The following ST6GAL2 variants were observed in gnomAD, a reference collection of about 807,000 sequenced individuals.
The protein encoded by ST6GAL2 is ST6 beta-galactoside alpha-2,6-sialyltransferase 2, also known as beta-galactoside alpha-2,6-sialyltransferase 2.
ST6GAL2 carries 24 observed loss-of-function variants against 37.5 expected under a neutral mutation model. That is an observed-to-expected ratio of 0.64 (90% CI 0.46 to 0.90). ST6GAL2 has a LOEUF of 0.90. Ranked by LOEUF, ST6GAL2 falls within the 40% of genes least tolerant of loss-of-function variation. The pLI, the probability that ST6GAL2 is intolerant of heterozygous loss-of-function variation, is 0.00. For missense variants in ST6GAL2, 715 were observed against 712.7 expected (o/e 1.00, Z -0.04); for synonymous variants, 306 against 295.1 (o/e 1.04, Z -0.38).
At chr2:106,864,246 C>G (rs761395007) in intron 1 of ST6GAL2, among the ~76,000 whole-genome samples, 1 of 152,208 alleles carries the variant, frequency 6.6e-6, no homozygotes, top group Non-Finnish European at 1.5e-5. Context: ...ACTACAGGCA[C>G]TGCCAGACAC....
chr2:106,812,148 G>A (rs1675635422), intron 5 of ST6GAL2, among the ~76,000 whole-genome samples: 1 of 152,202 alleles, frequency 6.6e-6, no homozygotes, highest in Non-Finnish European at 1.5e-5. Context: ...TTTGTAAGAA[G>A]AGATGTTGTG....
intron 1 of ST6GAL2, among the ~76,000 whole-genome samples, chr2:106,874,383 T>A (rs981789640): frequency 6.6e-6 from 1 of 151,996 alleles, no homozygotes; most frequent in African/African-American, 2.4e-5. Flanking sequence ...CTGAAGGTAG[T>A]TGTGGCTAAG....
intron 2 of ST6GAL2, among the ~76,000 whole-genome samples, chr2:106,838,098 T>C (rs904359843): frequency 6.6e-6 from 1 of 152,102 alleles, no homozygotes; most frequent in Non-Finnish European, 1.5e-5. Context: ...TCCTTGATAA[T>C]GCACTGTGAG....
Position 106,873,755 on chromosome 2 carries a change from C to T in ST6GAL2, c.-58+12338G>A, listed in dbSNP as rs1678379451. 4.6e-5 allele frequency among the ~76,000 whole-genome samples: 7 copies of T among 152,216 alleles called. 1 individual carries two copies. In the South Asian group the frequency reaches 1.4e-3, roughly 31 times the overall value. ...AAAATTATGAGGTTGAATGGTTTAG[C>T]AGTGATTTCCTAACATTGCTAGTAA... On this transcript the variant is annotated intron_variant, in intron 1 of 5. Coordinates refer to ENST00000409382, the MANE Select transcript of ST6GAL2 (RefSeq NM_001142351.2).
chr2:106,808,731 C>T (rs1675507205), intron 5 of ST6GAL2, among the ~76,000 whole-genome samples: 1 of 152,144 alleles, frequency 6.6e-6, no homozygotes, highest in African/African-American at 2.4e-5. Flanking sequence ...ATTTTTTCTC[C>T]CCTGTATAAA....
At chr2:106,883,218 G>A (rs1678824073) in intron 1 of ST6GAL2, among the ~76,000 whole-genome samples, 1 of 152,158 alleles carries the variant, frequency 6.6e-6, no homozygotes, top group African/African-American at 2.4e-5. Flanking sequence ...GGTGGGAGGT[G>A]GCTGGGACCA....
intron 2 of ST6GAL2, among the ~76,000 whole-genome samples, chr2:106,840,067 G>A (rs1014789834): frequency 2.6e-5 from 4 of 152,184 alleles, no homozygotes; most frequent in Non-Finnish European, 5.9e-5. Context: ...AAGCAAACCT[G>A]AGACTGACTG....
chr2:106,863,868 T>C (rs1057291040), intron 1 of ST6GAL2, among the ~76,000 whole-genome samples: 1 of 152,188 alleles, frequency 6.6e-6, no homozygotes, highest in Non-Finnish European at 1.5e-5. Context: ...GCACAGAAGC[T>C]ACAAAACAAT....
At chr2:106,865,759 G>T (rs1678000889) in intron 1 of ST6GAL2, among the ~76,000 whole-genome samples, 2 of 152,104 alleles carry the variant, frequency 1.3e-5, no homozygotes, top group Non-Finnish European at 2.9e-5. Context: ...AAAGCAAGTT[G>T]CCCACACTTA....
intron 2 of ST6GAL2, chr2:106,834,377 C>T (rs535029144): frequency 4.2e-4 from 190 of 451,898 alleles, no homozygotes; most frequent in Admixed American, 6.7e-4. Context: ...CAATTATGGG[C>T]GAGACTGTAT....
At chr2:106,831,573 G>C (rs1181456544) in intron 4 of ST6GAL2, among the ~76,000 whole-genome samples, 28 of 152,132 alleles carry the variant, frequency 1.8e-4, no homozygotes, top group Admixed American at 1.8e-3. Flanking sequence ...TATACATTGA[G>C]GCTATATATA....
rs777630203 is a variant in ST6GAL2 at position 106,843,131 on chromosome 2, C to T, written c.847G>A (p.Val283Met). 4.5e-6 allele frequency: 7 copies of T among 1,566,698 alleles called. No homozygotes were observed. In the African/African-American group the frequency reaches 8.3e-5, roughly 19 times the overall value. Reference protein sequence around the residue: ...ALGWRRLVPAVPLSQLHPRGL... With the variant: ...ALGWRRLVPAMPLSQLHPRGL... The stretch of plus-strand genomic sequence containing the variant: ...CGGGGGTGCAGCTGGCTCAGGGGCA[C>T]GGCGGGCACCAGGCGCCGCCAGCCC... The change falls in exon 2 of 6, where the codon GTG becomes ATG. Residue 283 changes from valine (V) to methionine (M), a missense_variant. Physicochemically the swap from Val to Met is conservative, Grantham distance 21 (BLOSUM62 1). Transcript: ENST00000409382.
intron 1 of ST6GAL2, among the ~76,000 whole-genome samples, chr2:106,882,631 A>G (rs4676094): frequency 0.74 from 112,783 of 152,142 alleles, 42,563 homozygotes; most frequent in East Asian, 0.97. Flanking sequence ...AGGATTTAAT[A>G]TAAGCCTTCC....
At chr2:106,863,445 G>A (rs560980449) in intron 1 of ST6GAL2, among the ~76,000 whole-genome samples, 12 of 152,138 alleles carry the variant, frequency 7.9e-5, no homozygotes, top group Non-Finnish European at 1.2e-4. Flanking sequence ...ACTGTAAAGC[G>A]TGTAGAATCA....
chr2:106,839,155 T>G (rs968209803), intron 2 of ST6GAL2, among the ~76,000 whole-genome samples: 4 of 152,196 alleles, frequency 2.6e-5, no homozygotes, highest in Non-Finnish European at 5.9e-5. Flanking sequence ...TAGAGTGGCT[T>G]GCAAGGGCAT....
chr2:106,844,771 A>G (rs1185849068), intron 1 of ST6GAL2, among the ~76,000 whole-genome samples: 1 of 152,094 alleles, frequency 6.6e-6, no homozygotes, highest in East Asian at 1.9e-4. Flanking sequence ...ATAGGAGGAG[A>G]GATGGGGAGA....
At chr2:106,846,200 G>A (rs1056662969) in intron 1 of ST6GAL2, among the ~76,000 whole-genome samples, 1 of 152,224 alleles carries the variant, frequency 6.6e-6, no homozygotes, top group Non-Finnish European at 1.5e-5. Context: ...GTCTAGCCCA[G>A]TCAGTCAACG....
In ST6GAL2 at chr2:106,830,205, T is replaced by C; in HGVS notation, c.1179A>G (p.Pro393=). 1.2e-6 allele frequency: 2 copies of C among 1,613,452 alleles called. No homozygotes were observed. Among genetic ancestry groups the C allele is most frequent in the South Asian group, 1.1e-5 (1 of 91,058 alleles). The part of the protein sequence containing the change: ...YKKPDYNLFT[P]YIQHRQRNPN... ...GGTTTCTCTGACGATGCTGAATATATGGAGTGAACAGGTTGTAATCCGGTT... is the reference window on the plus strand; with the variant it reads ...GGTTTCTCTGACGATGCTGAATATACGGAGTGAACAGGTTGTAATCCGGTT... The change falls in exon 5 of 6, where the codon CCA becomes CCG. Residue 393 remains proline, a synonymous_variant. Coordinates refer to ENST00000409382, the MANE Select transcript of ST6GAL2 (RefSeq NM_001142351.2).
chr2:106,845,682 G>C (rs909848529), intron 1 of ST6GAL2, among the ~76,000 whole-genome samples: 4 of 152,180 alleles, frequency 2.6e-5, no homozygotes, highest in Admixed American at 1.3e-4. Context: ...GGTGGGAAAG[G>C]ACGTGCTAAA....
Sources: allele counts gnomAD v4.1 joint callset (sites outside exome capture counted in the v4.1 genomes callset), GRCh38; gene constraint gnomAD v4.1.1; transcripts MANE v1.5; gene names NCBI Gene and HGNC (gene_info 2026-07-23, HGNC 2026-07-21).